The following FBXL17 variants were observed in gnomAD, a reference collection of about 807,000 sequenced individuals.
FBXL17 encodes the protein F-box and leucine rich repeat protein 17, also known as F-box/LRR-repeat protein 17.
A neutral mutation model predicts 66.2 loss-of-function variants in FBXL17; 22 were observed. That is an observed-to-expected ratio of 0.33 (90% CI 0.24 to 0.47). FBXL17 has a LOEUF of 0.47. Among genes scored for constraint, FBXL17 ranks in the 20% least tolerant of loss-of-function variants. FBXL17 has a pLI of 1.00. For missense variants in FBXL17, 878 were observed against 948.2 expected (o/e 0.93, Z 0.97); for synonymous variants, 474 against 400.5 (o/e 1.18, Z -2.19).
At chr5:108,123,148 A>G (rs1285595250) in intron 6 of FBXL17, among the ~76,000 whole-genome samples, 1 of 150,362 alleles carries the variant, frequency 6.7e-6, no homozygotes. Context: ...TGCTTGGGTA[A>G]GTTTTTTGTC....
chr5:108,172,739 T>A (rs456213), intron 6 of FBXL17, among the ~76,000 whole-genome samples: 1 of 151,520 alleles, frequency 6.6e-6, no homozygotes, highest in Non-Finnish European at 1.5e-5. Flanking sequence ...TTTTCTATTT[T>A]TTCTAATCAA....
chr5:108,358,305 G>A (rs1299123271), intron 3 of FBXL17, among the ~76,000 whole-genome samples: 4 of 152,118 alleles, frequency 2.6e-5, no homozygotes, highest in Non-Finnish European at 5.9e-5. Flanking sequence ...TATGTCAGCT[G>A]TGGGTTTGTC....
chr5:107,896,255 C>G (rs1749378615), intron 7 of FBXL17, among the ~76,000 whole-genome samples: 1 of 151,922 alleles, frequency 6.6e-6, no homozygotes, highest in Non-Finnish European at 1.5e-5. Context: ...ATGCAATGAA[C>G]TATTAAACTT....
At chr5:108,164,820 T>C (rs566733752) in intron 6 of FBXL17, among the ~76,000 whole-genome samples, 66 of 152,324 alleles carry the variant, frequency 4.3e-4, no homozygotes, top group African/African-American at 1.4e-3. Context: ...AGGATTCAAA[T>C]CCAGATGGTT....
At chr5:107,955,547 A>T (rs1353463895) in intron 7 of FBXL17, among the ~76,000 whole-genome samples, 1 of 152,186 alleles carries the variant, frequency 6.6e-6, no homozygotes, top group Non-Finnish European at 1.5e-5. Flanking sequence ...TCCTATTGAT[A>T]AGGTCGCAAT....
At chr5:108,147,171 G>A (rs531177086) in intron 6 of FBXL17, among the ~76,000 whole-genome samples, 3 of 152,196 alleles carry the variant, frequency 2.0e-5, no homozygotes, top group South Asian at 4.2e-4. Context: ...TGTGACTTTT[G>A]GCAGGACAAC....
chr5:108,240,255 T>G (rs574334591), intron 4 of FBXL17, among the ~76,000 whole-genome samples: 1 of 152,150 alleles, frequency 6.6e-6, no homozygotes, highest in Non-Finnish European at 1.5e-5. Flanking sequence ...AAGTGGTCTA[T>G]TGGCATCCCT....
chr5:107,904,247 T>G (rs903852810), intron 7 of FBXL17, among the ~76,000 whole-genome samples: 1 of 152,086 alleles, frequency 6.6e-6, no homozygotes, highest in Non-Finnish European at 1.5e-5. Context: ...CACAGACTTG[T>G]CCAGATCAGA....
chr5:108,078,161 C>G (rs1748626579), intron 6 of FBXL17, among the ~76,000 whole-genome samples: 1 of 152,200 alleles, frequency 6.6e-6, no homozygotes, highest in Non-Finnish European at 1.5e-5. Context: ...CCTCGCCCAT[C>G]TGCAATGCCA....
chr5:107,886,103 A>G (rs865956678), intron 7 of FBXL17, among the ~76,000 whole-genome samples: 11 of 152,240 alleles, frequency 7.2e-5, no homozygotes, highest in Non-Finnish European at 1.0e-4. Context: ...TGTTGACTGT[A>G]TAAGAGGAAA....
intron 6 of FBXL17, among the ~76,000 whole-genome samples, chr5:108,161,340 G>T (rs562627286): frequency 1.3e-5 from 2 of 152,192 alleles, no homozygotes; most frequent in Non-Finnish European, 2.9e-5. Context: ...AAAAAAATTA[G>T]CCAAGCGTAG....
In FBXL17 at chr5:108,381,290, A is replaced by T; in HGVS notation, c.402T>A (p.Ala134=). Residue 134 remains alanine, a synonymous_variant, in exon 1 of 9, where the codon GCT becomes GCA. Coordinates refer to ENST00000542267, the MANE Select transcript of FBXL17 (RefSeq NM_001163315.3). ...CTTTGCAGCAGGAGGCGGGCGACGA[A>T]GCCGAGGCGGCAGCGGCGGCGGCGG... ...AAAAAAAAAS[A]SSPASCCKEL... 1 of 1,412,116 alleles carries T rather than the reference A, an allele frequency of 7.1e-7. No homozygotes were observed. 87.5% of individuals were successfully genotyped at this position (1,412,116 alleles called of 1,614,324 possible).
intron 5 of FBXL17, among the ~76,000 whole-genome samples, chr5:108,192,523 C>A (rs545773603): frequency 1.3e-5 from 2 of 152,198 alleles, no homozygotes; most frequent in African/African-American, 4.8e-5. Flanking sequence ...AAATGAGACA[C>A]TAAAATGTTA....
intron 6 of FBXL17, among the ~76,000 whole-genome samples, chr5:108,046,499 G>C (rs1321256901): frequency 6.6e-6 from 1 of 151,946 alleles, no homozygotes; most frequent in Non-Finnish European, 1.5e-5. Flanking sequence ...TTTTCTATTT[G>C]TTTTCTCTGT....
At chr5:108,016,753 G>A (rs558744531) in intron 7 of FBXL17, among the ~76,000 whole-genome samples, 1 of 151,000 alleles carries the variant, frequency 6.6e-6, no homozygotes, top group Non-Finnish European at 1.5e-5. Flanking sequence ...CCTGAAGGAA[G>A]TAAATTATCT....
chr5:108,120,730 G>A (rs1750455836), intron 6 of FBXL17, among the ~76,000 whole-genome samples: 1 of 152,160 alleles, frequency 6.6e-6, no homozygotes, highest in Admixed American at 6.5e-5. Context: ...CTACTCAGAA[G>A]GCTGAGGCAG....
At chr5:108,046,401 C>A (rs945480018) in intron 6 of FBXL17, among the ~76,000 whole-genome samples, 1 of 152,122 alleles carries the variant, frequency 6.6e-6, no homozygotes, top group Non-Finnish European at 1.5e-5. Flanking sequence ...CTCTGTAAAT[C>A]TGTATCTTTT....
intron 7 of FBXL17, among the ~76,000 whole-genome samples, chr5:107,908,339 C>T (rs1749830750): frequency 6.6e-6 from 1 of 152,134 alleles, no homozygotes; most frequent in Admixed American, 6.5e-5. Context: ...GCAGAGAATC[C>T]ACTTTTTAAT....
chr5:108,152,454 G>A (rs1045249521), intron 6 of FBXL17, among the ~76,000 whole-genome samples: 5 of 152,088 alleles, frequency 3.3e-5, no homozygotes, highest in Non-Finnish European at 5.9e-5. Flanking sequence ...TACAAAATAT[G>A]AGGGGATATA....
Sources: allele counts gnomAD v4.1 joint callset (sites outside exome capture counted in the v4.1 genomes callset), GRCh38; gene constraint gnomAD v4.1.1; transcripts MANE v1.5; gene names NCBI Gene and HGNC (gene_info 2026-07-23, HGNC 2026-07-21).